The following PYCR3 variants were observed in gnomAD, a reference collection of about 807,000 sequenced individuals.
The protein encoded by PYCR3 is pyrroline-5-carboxylate reductase 3.
Under a neutral mutation model 23.4 loss-of-function variants are expected in PYCR3, and 26 were observed. That is an observed-to-expected ratio of 1.11 (90% CI 0.81 to 1.54). PYCR3 has a LOEUF of 1.54. Ranked by LOEUF, PYCR3 falls within the 40% of genes most tolerant of loss-of-function variation. The pLI is 0.00. For synonymous variants in PYCR3, 194 were observed against 162.6 expected (o/e 1.19, Z -1.47); for missense variants, 360 against 376.3 (o/e 0.96, Z 0.36).
chr8:143,608,962 C>T (rs1829472876), intron 1 of PYCR3: 1 of 451,846 alleles, frequency 2.2e-6, no homozygotes, highest in South Asian at 1.6e-5. Flanking sequence ...AGTATATGGT[C>T]AGCATAAATA....
In PYCR3 at chr8:143,603,658, G is replaced by A. The variant is rs373835789; in HGVS notation, c.*2042C>T. 5.3e-5 allele frequency among the ~76,000 whole-genome samples: 8 copies of A among 152,310 alleles called. No homozygotes were observed. In the East Asian group the frequency reaches 1.2e-3, roughly 22 times the overall value. ...AGAAGGGCTGTCCACCTTCCTTCAG[G>A]GGGCCGCCTGCACCAGACCCCAGGC... On this transcript the variant is annotated 3_prime_UTR_variant, in exon 6 of 6. Coordinates refer to ENST00000495276, the MANE Select transcript of PYCR3 (RefSeq NM_023078.6).
At chr8:143,608,729 T>A (rs79637972) in intron 1 of PYCR3, 2 of 433,994 alleles carry the variant, frequency 4.6e-6, no homozygotes, top group East Asian at 7.1e-5. Flanking sequence ...ACACCAGTAC[T>A]AAGCTCAACA....
chr8:143,606,727 G>C, intron 3 of PYCR3, 48 bp from the exon 4 acceptor site: 2 of 1,532,016 alleles, frequency 1.3e-6, no homozygotes, highest in Non-Finnish European at 1.8e-6. Flanking sequence ...ACTGGGCCCT[G>C]CTGGGCAGGC....
rs1248840409 is a variant in PYCR3, at chr8:143,605,806, G to T, written c.719C>A (p.Thr240Asn). 8.7e-6 allele frequency: 14 copies of T among 1,612,098 alleles called. No homozygotes were observed. Among genetic ancestry groups the T allele is most frequent in the South Asian group, 1.1e-5 (1 of 91,060 alleles). ...CAGGGCGTGGAGTCCATAGATGGTG[G>T]TGCCACCCGGGGTGCACACGTCTGA... ...LRSDVCTPGG[T>N]TIYGLHALEQ... The change falls in exon 6 of 6, where the codon ACC (threonine) becomes AAC (asparagine). Residue 240 changes from threonine (T) to asparagine (N), a missense_variant. Thr to Asn is a moderately conservative substitution (Grantham distance 65, BLOSUM62 0). Coordinates refer to ENST00000495276, the MANE Select transcript of PYCR3 (RefSeq NM_023078.6).
At chr8:143,606,316 A>C in intron 4 of PYCR3, 151 bp downstream of exon 4, 1 of 1,066,038 alleles carries the variant, frequency 9.4e-7, no homozygotes, top group Non-Finnish European at 1.4e-6. Flanking sequence ...AAGGCAGTGA[A>C]GTCCCGGGGA....
rs906932617 is a variant in PYCR3, at chr8:143,605,697, A to C, written c.*3T>G. 1 of 1,590,246 alleles carries C rather than the reference A, an allele frequency of 6.3e-7. No individual in the cohort carries two copies. ...AGGCAGGAAAGGATGGCCAGAGCCC[A>C]GCCTACTTTCTGCTGAGCTCCTTGG... On this transcript the variant is annotated 3_prime_UTR_variant, in exon 6 of 6. Transcript: ENST00000495276.
Position 143,609,485 on chromosome 8 carries a change from C to T in PYCR3, c.64G>A (p.Ala22Thr), listed in dbSNP as rs932216879. 1.3e-6 allele frequency: 2 copies of T among 1,512,460 alleles called. No individual in the cohort carries two copies. The highest frequency in any genetic ancestry group is 1.2e-5 in the South Asian group (1 of 81,854). The allele number at this position is 1,512,460 out of a possible 1,614,324, so 93.7% of individuals were successfully genotyped here. ...GFVGAGRMAG[A>T]IAQGLIRAGK... ...GCTCTGATGAGGCCCTGCGCGATGG[C>T]CCCCGCCATGCGGCCCGCGCCCACG... Residue 22 changes from alanine to threonine, a missense_variant, in exon 1 of 6, where the codon GCC becomes ACC. Ala to Thr is a moderately conservative substitution (Grantham distance 58). Coordinates refer to ENST00000495276, the MANE Select transcript of PYCR3 (RefSeq NM_023078.6).
At chr8:143,608,200 A>C in intron 1 of PYCR3, 74 bp from the exon 2 acceptor site, 5 of 1,260,060 alleles carry the variant, frequency 4.0e-6, no homozygotes, top group Non-Finnish European at 4.6e-6. Context: ...GAGGGAGCTC[A>C]CTTGGCCTCT....
In PYCR3 at chr8:143,605,023, C is replaced by T. The variant is rs535396979; in HGVS notation, c.*677G>A. On this transcript the variant is annotated 3_prime_UTR_variant, in exon 6 of 6. Transcript: ENST00000495276. ...CCAGACCTCAAGCCACCCCACCTAC[C>T]ACTGCCCACCTGGTGCCACCCCAGC... 5.8e-4 allele frequency: 261 copies of T among 450,302 alleles called. 1 individual carries two copies. The highest frequency in any genetic ancestry group is 4.8e-3 in the African/African-American group (238 of 49,890). The allele number at this position is 450,302 out of a possible 1,614,324, so 27.9% of individuals were successfully genotyped here. A position where few individuals can be genotyped will look rare whatever the true frequency, so the allele number is the denominator to read the frequency against.
rs1385865622 is a variant in PYCR3 at position 143,604,579 on chromosome 8, A to C, written c.*1121T>G. On this transcript the variant is annotated 3_prime_UTR_variant, in exon 6 of 6. Transcript: ENST00000495276. ...GAGGGCATGCTCCCGCCTCACCTCC[A>C]GAGGCTGTTGGGCGGAAGCCGAGAG... 6.5e-6 allele frequency: 2 copies of C among 308,662 alleles called. No homozygotes were observed. Among genetic ancestry groups the C allele is most frequent in the East Asian group, 1.1e-4 (1 of 9,062 alleles). The allele number at this position is 308,662 out of a possible 1,614,324, so 19.1% of individuals were successfully genotyped here.
intron 1 of PYCR3, 77 bp downstream of exon 1, chr8:143,609,381 C>G: frequency 7.3e-7 from 1 of 1,367,762 alleles, no homozygotes; most frequent in Non-Finnish European, 9.4e-7. Flanking sequence ...GCGCCCCCGG[C>G]CCCACTCTCG....
chr8:143,609,330 C>A, intron 1 of PYCR3, 128 bp downstream of exon 1: 1 of 1,116,658 alleles, frequency 9.0e-7, no homozygotes, highest in Non-Finnish European at 1.2e-6. Flanking sequence ...GGCGTGGCCC[C>A]GGCTGCGCCC....
intron 4 of PYCR3, 86 bp downstream of exon 4, chr8:143,606,381 C>A: frequency 6.8e-7 from 1 of 1,462,220 alleles, no homozygotes; most frequent in South Asian, 1.2e-5. Context: ...CAAGGTTGGA[C>A]TCTGAGGGCA....
intron 1 of PYCR3, among the ~76,000 whole-genome samples, chr8:143,609,197 C>T (rs1411793386): frequency 6.6e-6 from 1 of 152,258 alleles, no homozygotes. Context: ...AAGAGAAAAT[C>T]AGAGGCTGGA....
In PYCR3 at chr8:143,606,648, A is replaced by AC. The variant is rs1475847447; in HGVS notation, c.367dup (p.Val123GlyfsTer41). On this transcript the variant is annotated frameshift_variant, in exon 4 of 6. Coordinates refer to ENST00000495276, the MANE Select transcript of PYCR3 (RefSeq NM_023078.6). LOFTEE classifies it high-confidence loss of function. ...GACCACACAGGGCAGGTTGGGCAAG[A>AC]CCCGCAGCACCCGTGTGTTTGGGGG... 1.2e-6 allele frequency: 2 copies of AC among 1,602,808 alleles called. No homozygotes were observed. Among genetic ancestry groups the AC allele is most frequent in the East Asian group, 2.3e-5 (1 of 44,394 alleles).
chr8:143,605,916 A>G, intron 5 of PYCR3, 34 bp from the exon 6 acceptor site: 1 of 1,584,088 alleles, frequency 6.3e-7, no homozygotes, highest in Non-Finnish European at 8.6e-7. Flanking sequence ...TGACGGGGGG[A>G]GGTGGTGCGG....
At chr8:143,606,882 G>A (rs1346033089) in intron 3 of PYCR3, 71 bp downstream of exon 3, 3 of 1,493,940 alleles carry the variant, frequency 2.0e-6, no homozygotes, top group Admixed American at 2.2e-5. Context: ...TCTCTGGGGG[G>A]CTGCCTGCCG....
At position 143,605,739 on chromosome 8, in the gene PYCR3, C is replaced by T. The variant is rs368762894; in HGVS notation, c.786G>A (p.Glu262=). The change falls in exon 6 of 6, where the codon GAG becomes GAA. Residue 262 remains glutamate (E), a synonymous_variant. Transcript: ENST00000495276. ...GCTCCTTGGCCCGGCAGGTGGCAGCCTCCACGGCGCTCATGGTGGCTGCTC... is the reference window on the plus strand; with the variant it reads ...GCTCCTTGGCCCGGCAGGTGGCAGCTTCCACGGCGCTCATGGTGGCTGCTC... ...GLRAATMSAV[E]AATCRAKELS... 23 of 1,607,154 alleles carry T rather than the reference C, an allele frequency of 1.4e-5. No homozygotes were observed. The African/African-American group carries it at 2.9e-4, about 21-fold the overall frequency.
chr8:143,605,061 C>A lies in PYCR3; in HGVS notation c.*639G>T. On this transcript the variant is annotated 3_prime_UTR_variant, in exon 6 of 6. Transcript: ENST00000495276. The stretch of plus-strand genomic sequence containing the variant: ...GTGCCACCCCAGCACTGCCGCAGAC[C>A]TGGCCCAGCAGCTCCTGCTCCTTAG... 2.5e-6 allele frequency: 1 copy of A among 405,952 alleles called. No homozygotes were observed. The highest frequency in any genetic ancestry group is 4.9e-6 in the Non-Finnish European group (1 of 204,064). The allele number at this position is 405,952 out of a possible 1,614,324, so 25.1% of individuals were successfully genotyped here.
Sources: allele counts gnomAD v4.1 joint callset (sites outside exome capture counted in the v4.1 genomes callset), GRCh38; gene constraint gnomAD v4.1.1; transcripts MANE v1.5; gene names NCBI Gene and HGNC (gene_info 2026-07-23, HGNC 2026-07-21).